The following ATP11A variants were observed in gnomAD, a reference collection of about 807,000 sequenced individuals.
The protein encoded by ATP11A is ATPase phospholipid transporting 11A.
A neutral mutation model predicts 154.4 loss-of-function variants in ATP11A; 81 were observed. The observed-to-expected ratio is 0.52, with a 90% confidence interval of 0.44 to 0.63. ATP11A has a LOEUF of 0.63. Among genes scored for constraint, ATP11A ranks in the 30% least tolerant of loss-of-function variants. ATP11A has a pLI of 0.00. For synonymous variants in ATP11A, 623 were observed against 585.9 expected, an observed-to-expected ratio of 1.06 and a Z score of -0.91; for missense variants, 1,316 against 1,474.3, an observed-to-expected ratio of 0.89 and a Z score of 1.76.
At position 112,876,351 on chromosome 13, in the gene ATP11A, C is replaced by A. The variant is rs188447539; in HGVS notation, c.3327+410C>A. On this transcript the variant is annotated intron_variant, in intron 28 of 29. Coordinates refer to ENST00000375645, the MANE Select transcript of ATP11A (RefSeq NM_015205.3). The stretch of plus-strand genomic sequence containing the variant: ...GGTATTGGTGGAGCTGCTTATTTTA[C>A]ACACTCCCAAGTTTTAGGCACAAGC... Among the ~76,000 whole-genome samples the A allele has an allele frequency of 1.1e-3, 167 of 152,154 alleles. 1 individual carries two copies. The highest frequency in any genetic ancestry group is 3.4e-3 in the Middle Eastern group (1 of 294).
intron 2 of ATP11A, among the ~76,000 whole-genome samples, chr13:112,788,836 C>T (rs2077740175): frequency 6.6e-6 from 1 of 151,454 alleles, no homozygotes; most frequent in Non-Finnish European, 1.5e-5. Context: ...CCTGTAGACC[C>T]CTGTGGCGAC....
At chr13:112,863,585 C>T (rs1220880212) in intron 25 of ATP11A, among the ~76,000 whole-genome samples, 19 of 149,710 alleles carry the variant, frequency 1.3e-4, no homozygotes, top group Admixed American at 1.1e-3. Flanking sequence ...TAATTCAGTG[C>T]GGCCCATGCA....
At chr13:112,872,774 G>A (rs142540610) in intron 26 of ATP11A, among the ~76,000 whole-genome samples, 49 of 152,318 alleles carry the variant, frequency 3.2e-4, no homozygotes, top group Middle Eastern at 3.4e-3. Flanking sequence ...GGGCTGTGGC[G>A]TCCCCACATT....
chr13:112,690,493 C>T lies in ATP11A; in HGVS notation c.39+38C>T, dbSNP rs554434724. 3.1e-6 allele frequency: 4 copies of T among 1,299,942 alleles called. No homozygotes were observed. The East Asian group carries it at 8.8e-5, about 29-fold the overall frequency. 80.5% of individuals were successfully genotyped at this position (1,299,942 alleles called of 1,614,324 possible). A position where few individuals can be genotyped will look rare whatever the true frequency, so the allele number is the denominator to read the frequency against. ...GGCGCGGGCTGGGGGACCCGGGGAC[C>T]AGACAGACGCGGGCCGGCCCCGCAG... On this transcript the variant is annotated intron_variant, in intron 1 of 29. Transcript: ENST00000375645. The surrounding 1 kb of genome is among the most constrained non-coding windows in gnomAD (Gnocchi z 5.6).
At chr13:112,808,741 C>T (rs73569005) in intron 4 of ATP11A, among the ~76,000 whole-genome samples, 1,678 of 152,298 alleles carry the variant, frequency 0.011, 34 homozygotes, top group African/African-American at 0.038. Context: ...CACTGACGGG[C>T]ATCTCACTGT....
chr13:112,871,684 GAAAAA>G (rs747828834), intron 25 of ATP11A, 46 bp from the exon 26 acceptor site: 36 of 1,533,056 alleles, frequency 2.3e-5, no homozygotes, highest in Non-Finnish European at 3.1e-5. Context: ...TTGTGAAAGA[GAAAAA>G]AAAATACATA....
chr13:112,719,789 T>A (rs1888943209), intron 1 of ATP11A, among the ~76,000 whole-genome samples: 1 of 152,230 alleles, frequency 6.6e-6, no homozygotes, highest in African/African-American at 2.4e-5. Context: ...TTCTTTAAAG[T>A]TCCATTTTGG....
rs940029597 is a variant in ATP11A, at chr13:112,882,631, C to A, written c.*765C>A. The A allele has an allele frequency of 5.0e-6, 2 of 401,078 alleles. No individual in the cohort carries two copies. Among genetic ancestry groups the A allele is most frequent in the African/African-American group, 4.1e-5 (2 of 48,650 alleles). 24.8% of individuals were successfully genotyped at this position (401,078 alleles called of 1,614,324 possible). On this transcript the variant is annotated 3_prime_UTR_variant, in exon 30 of 30. Coordinates refer to ENST00000375645, the MANE Select transcript of ATP11A (RefSeq NM_015205.3). This position sits in a 1 kb window ranked among gnomAD's most constrained non-coding sequence, Gnocchi z 5.1. ...GGGGCTGGCTGAGTTTCGGTCTCCC[C>A]ATCACCGGCCGCCTCGTGGAGAAGG...
At chr13:112,762,949 T>A (rs907556470) in intron 1 of ATP11A, among the ~76,000 whole-genome samples, 6 of 152,208 alleles carry the variant, frequency 3.9e-5, no homozygotes, top group Admixed American at 6.5e-5. Context: ...TCTGGTAACT[T>A]CTTAGGGGCA....
At chr13:112,796,066 GGAA>G (rs2077991185) in intron 2 of ATP11A, among the ~76,000 whole-genome samples, 1 of 152,224 alleles carries the variant, frequency 6.6e-6, no homozygotes, top group South Asian at 2.1e-4. Flanking sequence ...TTTTTGTAAA[GGAA>G]GAAAGTGCCT....
At chr13:112,713,939 T>TCCTGGCCCCAGCCTCCCTTCCACTCCC (rs1888081790) in intron 1 of ATP11A, among the ~76,000 whole-genome samples, 2 of 81,148 alleles carry the variant, frequency 2.5e-5, no homozygotes, top group African/African-American at 4.6e-5. Flanking sequence ...CTTCCATTCT[T>TCCTGGCCCCAGCCTCCCTTCCACTCCC]CCCACCCCAG....
chr13:112,819,678 G>A (rs1270292500), intron 7 of ATP11A, among the ~76,000 whole-genome samples: 2 of 152,146 alleles, frequency 1.3e-5, no homozygotes, highest in African/African-American at 4.8e-5. Flanking sequence ...TTTATTTTAC[G>A]GAAGACGTTT....
At position 112,843,768 on chromosome 13, in the gene ATP11A, G is replaced by A. The variant is rs191171849; in HGVS notation, c.1809+1389G>A. Among the ~76,000 whole-genome samples, 84 of 152,328 alleles carry A rather than the reference G, an allele frequency of 5.5e-4. No individual in the cohort carries two copies. The South Asian group carries it at 0.01, about 18-fold the overall frequency. ...CAGGAGCCCTTTCGCTCGCGAGCCC[G>A]TGCGTGCAGCAGCCAGAGCCTGTGA... On this transcript the variant is annotated intron_variant, in intron 17 of 29. Transcript: ENST00000375645.
chr13:112,822,454 A>G (rs2078822324), intron 8 of ATP11A, among the ~76,000 whole-genome samples: 1 of 152,042 alleles, frequency 6.6e-6, no homozygotes. Context: ...ATTGTCCCAG[A>G]TTTACATGTC....
At chr13:112,845,793 T>G (rs9550230) in intron 17 of ATP11A, among the ~76,000 whole-genome samples, 8,246 of 69,666 alleles carry the variant, frequency 0.12, 260 homozygotes, top group African/African-American at 0.15. Context: ...CAGTCCAGTT[T>G]CCAGGCACTA....
At chr13:112,770,886 G>A (rs772099436) in intron 1 of ATP11A, among the ~76,000 whole-genome samples, 5 of 152,142 alleles carry the variant, frequency 3.3e-5, no homozygotes, top group African/African-American at 9.7e-5. Flanking sequence ...ATACACGGAC[G>A]GCAGAACAAG....
chr13:112,833,916 G>T (rs529110012), intron 14 of ATP11A, among the ~76,000 whole-genome samples: 1 of 152,158 alleles, frequency 6.6e-6, no homozygotes, highest in African/African-American at 2.4e-5. Context: ...TCCTCCAGCC[G>T]CTGCTCCCAC....
chr13:112,831,711 G>A (rs2140248477), intron 13 of ATP11A, among the ~76,000 whole-genome samples, 163 bp downstream of exon 13: 1 of 152,328 alleles, frequency 6.6e-6, no homozygotes, highest in South Asian at 2.1e-4. Context: ...TGTCCCGTTA[G>A]GACACATCTG....
At chr13:112,870,684 T>A (rs796742135) in intron 25 of ATP11A, among the ~76,000 whole-genome samples, 16 of 152,292 alleles carry the variant, frequency 1.1e-4, no homozygotes, top group African/African-American at 3.6e-4. Context: ...GCCCGCTTTT[T>A]AATTCTTTAT....
Sources: allele counts gnomAD v4.1 joint callset (sites outside exome capture counted in the v4.1 genomes callset), GRCh38; gene constraint gnomAD v4.1.1; non-coding constraint Gnocchi (gnomAD v3.1); transcripts MANE v1.5; gene names NCBI Gene and HGNC (gene_info 2026-07-23, HGNC 2026-07-21).